Variants in ZNF385D observed in about 807,000 individuals in gnomAD.
The protein encoded by ZNF385D is zinc finger protein 385D, also known as zinc finger protein 659.
ZNF385D carries 15 observed loss-of-function variants against 35.8 expected under a neutral mutation model. The observed-to-expected ratio is 0.42, with a 90% CI of 0.28 to 0.64. The LOEUF (loss-of-function observed/expected upper bound fraction) is 0.64, where lower values mean the gene tolerates loss of function less well. Among genes scored for constraint, ZNF385D ranks in the 30% least tolerant of loss-of-function variants. ZNF385D has a pLI of 0.23. For synonymous variants in ZNF385D, 212 were observed against 186.8 expected (o/e 1.13, Z -1.10); for missense variants, 474 against 494.6 (o/e 0.96, Z 0.39).
At position 21,885,734 on chromosome 3, in the gene ZNF385D, C is replaced by CTGTGTGTGTG. The variant is rs773651077; in HGVS notation, c.326-220707_326-220706insCACACACACA. 1.2e-3 allele frequency among the ~76,000 whole-genome samples: 158 copies of CTGTGTGTGTG among 131,918 alleles called. 1 individual carries two copies. The highest frequency in any genetic ancestry group is 7.3e-3 in the East Asian group (36 of 4,958). 86.5% of individuals were successfully genotyped at this position (131,918 alleles called of 152,430 possible). On this transcript the variant is annotated intron_variant, in intron 3 of 5. Coordinates refer to the ZNF385D transcript ENST00000494108. ...TCCATGGAAATAGAACAGGGTGTGT[C>CTGTGTGTGTG]TGTGTCTGTGTGTGTGTGTGTGTGT...
At chr3:22,060,218 A>G (rs1300924076) in intron 3 of ZNF385D, among the ~76,000 whole-genome samples, 1 of 152,138 alleles carries the variant, frequency 6.6e-6, no homozygotes, top group Admixed American at 6.6e-5. Flanking sequence ...CAGATTTTGG[A>G]TCTTGTCAGC....
intron 2 of ZNF385D, among the ~76,000 whole-genome samples, chr3:21,619,299 C>T (rs1387543275): frequency 2.6e-5 from 4 of 152,066 alleles, no homozygotes; most frequent in Admixed American, 2.0e-4. Context: ...TTGCAAAACC[C>T]ATCCTCACAG....
chr3:21,494,948 C>T (rs2125416305), intron 4 of ZNF385D, among the ~76,000 whole-genome samples: 1 of 152,276 alleles, frequency 6.6e-6, no homozygotes, highest in South Asian at 2.1e-4. Flanking sequence ...AAGATTATTT[C>T]AGTTGCTCTA....
chr3:21,872,411 C>G (rs138017486), intron 3 of ZNF385D, among the ~76,000 whole-genome samples: 9 of 152,236 alleles, frequency 5.9e-5, no homozygotes, highest in Non-Finnish European at 1.3e-4. Flanking sequence ...CATATACACA[C>G]TTTTTGAAAA....
intron 1 of ZNF385D, among the ~76,000 whole-genome samples, chr3:21,667,704 C>T (rs946004209): frequency 6.6e-6 from 1 of 152,148 alleles, no homozygotes; most frequent in African/African-American, 2.4e-5. Flanking sequence ...TATTTTAAGT[C>T]CTCCTCTGGT....
intron 3 of ZNF385D, among the ~76,000 whole-genome samples, chr3:21,973,969 A>T (rs1284692025): frequency 6.6e-6 from 1 of 152,040 alleles, no homozygotes; most frequent in Non-Finnish European, 1.5e-5. Flanking sequence ...TTGGTAGAAT[A>T]TATATTTTTA....
chr3:21,949,929 G>A (rs1701983607), intron 3 of ZNF385D, among the ~76,000 whole-genome samples: 1 of 152,034 alleles, frequency 6.6e-6, no homozygotes. Context: ...GTGTATATGT[G>A]CCACATTTTC....
At chr3:22,185,849 G>T (rs1405042273) in intron 2 of ZNF385D, among the ~76,000 whole-genome samples, 2 of 152,162 alleles carry the variant, frequency 1.3e-5, no homozygotes, top group Non-Finnish European at 2.9e-5. Context: ...TCTGAAATCT[G>T]TGCAGATAAA....
chr3:21,592,568 A>AC (rs996899894), intron 2 of ZNF385D, among the ~76,000 whole-genome samples: 2 of 141,564 alleles, frequency 1.4e-5, no homozygotes, highest in African/African-American at 5.2e-5. Flanking sequence ...AAAAACAAAA[A>AC]AAAAAAACAA....
At chr3:21,783,276 GT>G (rs1373060476) in intron 3 of ZNF385D, among the ~76,000 whole-genome samples, 4 of 152,108 alleles carry the variant, frequency 2.6e-5, no homozygotes, top group Non-Finnish European at 5.9e-5. Flanking sequence ...TGTGCAATGG[GT>G]TTAGTTTGGT....
At chr3:21,491,566 A>G (rs902547851) in intron 4 of ZNF385D, among the ~76,000 whole-genome samples, 2 of 152,172 alleles carry the variant, frequency 1.3e-5, no homozygotes, top group Non-Finnish European at 2.9e-5. Flanking sequence ...GATAACTGGA[A>G]CAATCATAAA....
chr3:22,155,162 A>G (rs1227214438), intron 3 of ZNF385D, among the ~76,000 whole-genome samples: 2 of 152,140 alleles, frequency 1.3e-5, no homozygotes, highest in East Asian at 1.9e-4. Flanking sequence ...TATCACGTGT[A>G]CCCCGTAAAT....
At chr3:21,493,481 A>T (rs163479) in intron 4 of ZNF385D, among the ~76,000 whole-genome samples, 27,592 of 152,046 alleles carry the variant, frequency 0.18, 2,588 homozygotes, top group Admixed American at 0.28. Context: ...TAGGAAATTG[A>T]CACCTTTGTA....
At chr3:21,562,637 A>G (rs1394151854) in intron 3 of ZNF385D, among the ~76,000 whole-genome samples, 3 of 152,338 alleles carry the variant, frequency 2.0e-5, no homozygotes, top group East Asian at 1.9e-4. Flanking sequence ...GAAGCTGACA[A>G]CATGGCTCCT....
intron 3 of ZNF385D, among the ~76,000 whole-genome samples, chr3:22,010,643 T>G (rs28710074): frequency 6.6e-6 from 1 of 152,126 alleles, no homozygotes; most frequent in African/African-American, 2.4e-5. Context: ...GAGGTTCCAA[T>G]GGACCTAATA....
chr3:21,465,938 A>T lies in ZNF385D; in HGVS notation c.440-28735T>A, dbSNP rs909789869. Among the ~76,000 whole-genome samples, 6 of 152,136 alleles carry T rather than the reference A, an allele frequency of 3.9e-5. No individual in the cohort carries two copies. The highest frequency in any genetic ancestry group is 3.9e-4 in the Admixed American group (6 of 15,272). ...AATAGAGATGCTCTTCTGCTGCATA[A>T]ATGTGCTAGGCATCTCCACTAGGGT... On this transcript the variant is annotated intron_variant, in intron 4 of 7. Coordinates refer to ENST00000281523, the MANE Select transcript of ZNF385D (RefSeq NM_024697.3). This position sits in a 1 kb window ranked among gnomAD's most constrained non-coding sequence, Gnocchi z 4.2.
At chr3:22,256,321 TAAGA>T (rs1188841301) in intron 2 of ZNF385D, among the ~76,000 whole-genome samples, 36 of 151,450 alleles carry the variant, frequency 2.4e-4, no homozygotes, top group African/African-American at 8.0e-4. Context: ...CTTACGTAAT[TAAGA>T]AAGGTCTCCC....
At chr3:21,982,061 C>T (rs551907973) in intron 3 of ZNF385D, among the ~76,000 whole-genome samples, 1 of 145,126 alleles carries the variant, frequency 6.9e-6, no homozygotes, top group South Asian at 2.2e-4. Flanking sequence ...TTTTTGGTTC[C>T]ATTTGAATTT....
chr3:21,541,074 G>A (rs898991180), intron 3 of ZNF385D, among the ~76,000 whole-genome samples: 7 of 152,148 alleles, frequency 4.6e-5, no homozygotes, highest in African/African-American at 1.7e-4. Context: ...GTAGTACCTG[G>A]ATTGTGCAAA....
Sources: allele counts gnomAD v4.1 joint callset (sites outside exome capture counted in the v4.1 genomes callset), GRCh38; gene constraint gnomAD v4.1.1; non-coding constraint Gnocchi (gnomAD v3.1); transcripts MANE v1.5; gene names NCBI Gene and HGNC (gene_info 2026-07-23, HGNC 2026-07-21).